The following TLK1 variants were observed in gnomAD, a reference collection of about 807,000 sequenced individuals.
TLK1 encodes the protein serine/threonine-protein kinase tousled-like 1.
Under a neutral mutation model 105.3 loss-of-function variants are expected in TLK1, and 24 were observed. The ratio of observed to expected loss-of-function variants is 0.23; its 90% CI spans 0.17 to 0.32. The LOEUF (loss-of-function observed/expected upper bound fraction) is 0.32, where lower values mean the gene tolerates loss of function less well. Among genes scored for constraint, TLK1 ranks in the 10% least tolerant of loss-of-function variants. The probability of loss-of-function intolerance (pLI) is 1.00; values close to 1 mark genes in which losing one functional copy is unlikely to be tolerated. For synonymous variants in TLK1, 321 were observed against 310.4 expected, an observed-to-expected ratio of 1.03 and a Z score of -0.36; for missense variants, 558 against 910.5, an observed-to-expected ratio of 0.61 and a Z score of 4.98.
At chr2:171,043,948 A>G (rs1686815557) in intron 11 of TLK1, among the ~76,000 whole-genome samples, 1 of 152,186 alleles carries the variant, frequency 6.6e-6, no homozygotes, top group Non-Finnish European at 1.5e-5. Context: ...TTCTTAAACA[A>G]ATTTACTAAC....
chr2:171,056,348 T>C lies in TLK1; in HGVS notation c.549+123A>G, dbSNP rs1687499651. 5 of 648,862 alleles carry C rather than the reference T, an allele frequency of 7.7e-6. No individual in the cohort carries two copies. The East Asian group carries it at 1.6e-4, about 20-fold the overall frequency. 40.2% of individuals were successfully genotyped at this position (648,862 alleles called of 1,614,324 possible). On this transcript the variant is annotated intron_variant, in intron 6 of 20. Transcript: ENST00000431350. ...AATTCATGTCACAGAAATAATGTATTAAAAGATAAATGCTAACTTATTTAT... is the reference window on the plus strand; with the variant it reads ...AATTCATGTCACAGAAATAATGTATCAAAAGATAAATGCTAACTTATTTAT...
At position 171,228,366 on chromosome 2, in the gene TLK1, C is replaced by G. The variant is rs920904636; in HGVS notation, c.-6+2779G>C. ...GCTAGGAATTAGAGACCAGCCTGAG[C>G]AACACTGAAAGACCTCATCTCTGAA... On this transcript the variant is annotated intron_variant, in intron 1 of 20. Coordinates refer to the TLK1 transcript ENST00000521943. Among the ~76,000 whole-genome samples the G allele has an allele frequency of 2.6e-5, 4 of 152,174 alleles. No homozygotes were observed. The South Asian group carries it at 8.3e-4, about 31-fold the overall frequency.
At chr2:171,116,526 C>T (rs1690434108) in intron 2 of TLK1, among the ~76,000 whole-genome samples, 1 of 151,786 alleles carries the variant, frequency 6.6e-6, no homozygotes, top group South Asian at 2.1e-4. Flanking sequence ...ATGGTAAAAC[C>T]CCGTCTCTAC....
chr2:171,216,400 C>T (rs1202410923), intron 1 of TLK1, among the ~76,000 whole-genome samples: 16 of 152,020 alleles, frequency 1.1e-4, no homozygotes, highest in Non-Finnish European at 2.4e-4. Context: ...GGCATGAACC[C>T]GGGAGGTGGA....
chr2:171,097,708 T>C (rs1412914066), intron 2 of TLK1, among the ~76,000 whole-genome samples: 1 of 152,168 alleles, frequency 6.6e-6, no homozygotes. Context: ...GCGGATCATA[T>C]GAGGTCAGGA....
intron 3 of TLK1, among the ~76,000 whole-genome samples, chr2:171,070,349 TG>T (rs1688194914): frequency 6.6e-6 from 1 of 151,526 alleles, no homozygotes. Context: ...ATACACACTC[TG>T]TTGTGCTAGC....
Position 171,160,224 on chromosome 2 carries a change from G to GGCGGGGGGGA in TLK1, c.139+65_139+66insTCCCCCCCGC, listed in dbSNP as rs1553485402. ...GCCCCGGGGCGGGGGGGGCGGGGGG[G>GGCGGGGGGGA]GGGCGCGGGGGTCCGCGGCGCGGGA... On this transcript the variant is annotated intron_variant, in intron 1 of 20. Coordinates refer to ENST00000431350, the MANE Select transcript of TLK1 (RefSeq NM_012290.5). This position sits in a 1 kb window ranked among gnomAD's most constrained non-coding sequence, Gnocchi z 4.4. 26 of 1,285,540 alleles carry GGCGGGGGGGA rather than the reference G, an allele frequency of 2.0e-5. No homozygotes were observed. The African/African-American group carries it at 3.2e-4, about 16-fold the overall frequency. The allele number at this position is 1,285,540 out of a possible 1,614,324, so 79.6% of individuals were successfully genotyped here.
At chr2:171,085,678 T>C (rs918848693) in intron 2 of TLK1, among the ~76,000 whole-genome samples, 8 of 152,142 alleles carry the variant, frequency 5.3e-5, no homozygotes, top group African/African-American at 1.9e-4. Flanking sequence ...TTACCAAAAA[T>C]GCAAGCAATT....
chr2:171,209,147 G>A (rs1192511110), intron 1 of TLK1, among the ~76,000 whole-genome samples: 5 of 152,142 alleles, frequency 3.3e-5, no homozygotes, highest in Non-Finnish European at 7.4e-5. Context: ...TAAATAGTGT[G>A]TTCCCTTTGT....
chr2:171,097,078 T>C (rs1260593718), intron 2 of TLK1, among the ~76,000 whole-genome samples: 2 of 152,192 alleles, frequency 1.3e-5, no homozygotes, highest in African/African-American at 2.4e-5. Flanking sequence ...TTTCAAAATA[T>C]ACTACAAAGT....
chr2:171,058,231 T>C, intron 4 of TLK1, 34 bp from the exon 5 acceptor site: 1 of 1,600,814 alleles, frequency 6.2e-7, no homozygotes, highest in Non-Finnish European at 8.6e-7. Context: ...GTTAGTAGGG[T>C]AGTGATGGGC....
chr2:171,031,522 T>C (rs1157903810), intron 11 of TLK1, among the ~76,000 whole-genome samples: 1 of 152,194 alleles, frequency 6.6e-6, no homozygotes, highest in Non-Finnish European at 1.5e-5. Context: ...ATATAATCCA[T>C]CTCTTCCCAT....
At chr2:171,086,638 C>CAAAAAAAAAAAAA (rs35913328) in intron 2 of TLK1, among the ~76,000 whole-genome samples, 1 of 108,934 alleles carries the variant, frequency 9.2e-6, no homozygotes, top group Admixed American at 8.9e-5. Context: ...AAAAAACAAA[C>CAAAAAAAAAAAAA]AAAAAAAAAA....
intron 12 of TLK1, among the ~76,000 whole-genome samples, chr2:171,019,848 A>C (rs1403912706): frequency 1.3e-5 from 2 of 152,158 alleles, no homozygotes; most frequent in Non-Finnish European, 2.9e-5. Flanking sequence ...ACCTGAGGTC[A>C]GGAGTTCGAG....
intron 1 of TLK1, among the ~76,000 whole-genome samples, chr2:171,125,078 G>C (rs2105544742): frequency 6.6e-6 from 1 of 152,182 alleles, no homozygotes; most frequent in South Asian, 2.1e-4. Flanking sequence ...TAATTTTTTT[G>C]ACTGCTTCAA....
At chr2:171,186,329 C>A (rs969751289) in intron 1 of TLK1, among the ~76,000 whole-genome samples, 3 of 152,178 alleles carry the variant, frequency 2.0e-5, no homozygotes, top group African/African-American at 7.2e-5. Context: ...ATGGAAGCGA[C>A]ACATTTAAGA....
rs115056292 is a variant in TLK1, at chr2:171,220,868, A to C, written c.-6+10277T>G. Among the ~76,000 whole-genome samples, 399 of 152,128 alleles carry C rather than the reference A, an allele frequency of 2.6e-3. 4 individuals are homozygous for C. The highest frequency in any genetic ancestry group is 3.4e-3 in the Non-Finnish European group (231 of 68,008). On this transcript the variant is annotated intron_variant, in intron 1 of 20. Transcript: ENST00000521943. ...TAAACAAAACCTCCTCATCCTACCC[A>C]CATATTTAAATAAAATTATATATTT...
In TLK1 at chr2:171,182,935, A is replaced by AAAAGGAAG. The variant is rs1553487150; in HGVS notation, c.-6+48209_-6+48210insCTTCCTTT. ...AAACCCTGACTCCAAAAAAAAAAAA[A>AAAAGGAAG]AAAGAAAGAAAGAAAGAAAGAAAGA... On this transcript the variant is annotated intron_variant, in intron 1 of 20. Transcript: ENST00000521943. 5.1e-3 allele frequency among the ~76,000 whole-genome samples: 654 copies of AAAAGGAAG among 128,840 alleles called. 10 individuals are homozygous for AAAAGGAAG. The highest frequency in any genetic ancestry group is 0.023 in the African/African-American group (633 of 27,608). 84.5% of individuals were successfully genotyped at this position (128,840 alleles called of 152,430 possible).
chr2:171,134,592 G>C (rs1691229795), intron 1 of TLK1, among the ~76,000 whole-genome samples: 1 of 150,912 alleles, frequency 6.6e-6, no homozygotes, highest in African/African-American at 2.4e-5. Context: ...ATGTTAAGGA[G>C]ATATCTGCAC....
Sources: gnomAD v4.1 joint callset for allele counts (sites outside exome capture counted in the v4.1 genomes callset) on GRCh38, gnomAD v4.1.1 for gene constraint, Gnocchi (gnomAD v3.1) non-coding constraint, MANE v1.5 for transcripts, NCBI Gene and HGNC (gene_info 2026-07-23, HGNC 2026-07-21) for gene names.